RAB37: variants seen among roughly 807,000 people sequenced by gnomAD.
RAB37 encodes ras-related protein Rab-37.
RAB37 carries 29 observed loss-of-function variants against 33.1 expected under a neutral mutation model. That is an observed-to-expected ratio of 0.88 (90% CI 0.65 to 1.20). The LOEUF (loss-of-function observed/expected upper bound fraction) is 1.20, where lower values mean the gene tolerates loss of function less well. Among genes scored for constraint, RAB37 ranks in the 50% most tolerant of loss-of-function variants. The pLI is 0.00. For missense variants in RAB37, 299 were observed against 301.1 expected, an observed-to-expected ratio of 0.99 and a Z score of 0.05; for synonymous variants, 128 against 119.5, an observed-to-expected ratio of 1.07 and a Z score of -0.47.
At chr17:74,705,281 G>A in intron 1 of RAB37, 1 of 700,058 alleles carries the variant, frequency 1.4e-6, no homozygotes, top group South Asian at 1.5e-5. Flanking sequence ...AGGCTGTCCT[G>A]GTGGTCCTAA....
chr17:74,740,211 A>AC (rs11420540), intron 1 of RAB37, among the ~76,000 whole-genome samples: 13 of 120,894 alleles, frequency 1.1e-4, no homozygotes, highest in African/African-American at 3.4e-4. Flanking sequence ...GTTGTGACAC[A>AC]AAAAAAAAAA....
At chr17:74,737,030 G>C, upstream of RAB37, 1 of 1,606,718 alleles carries the variant, frequency 6.2e-7, no homozygotes. Context: ...TGTCCGAAGC[G>C]CACGGAGCCG....
upstream of RAB37, among the ~76,000 whole-genome samples, chr17:74,734,179 C>A (rs533093665): frequency 5.7e-4 from 87 of 152,108 alleles, 1 homozygote; most frequent in South Asian, 0.011. Context: ...AAGGGTCATT[C>A]CTTCCTCTTC....
At chr17:74,690,114 G>A (rs980113798) in intron 1 of RAB37, among the ~76,000 whole-genome samples, 1 of 152,064 alleles carries the variant, frequency 6.6e-6, no homozygotes, top group African/African-American at 2.4e-5. Context: ...ACCACACCCA[G>A]CTGATTTTTT....
At position 74,671,911 on chromosome 17, in the gene RAB37, T is replaced by C. The variant is rs1442254686; in HGVS notation, c.72+253T>C. Among the ~76,000 whole-genome samples the C allele has an allele frequency of 6.6e-6, 1 of 152,196 alleles. No individual in the cohort carries two copies. Among genetic ancestry groups the C allele is most frequent in the Non-Finnish European group, 1.5e-5 (1 of 68,040 alleles). On this transcript the variant is annotated intron_variant, in intron 1 of 7. Coordinates refer to the RAB37 transcript ENST00000340415. This position sits in a 1 kb window ranked among gnomAD's most constrained non-coding sequence, Gnocchi z 5.0. Reference sequence around the variant, plus strand: ...CACTTACATCATCTGTGTTCCTTTTTCACCCCCTCCTTCTCCTTGCCTATT... The same window carrying C: ...CACTTACATCATCTGTGTTCCTTTTCCACCCCCTCCTTCTCCTTGCCTATT...
chr17:74,712,967 C>T (rs2034078326), intron 1 of RAB37: 4 of 1,219,036 alleles, frequency 3.3e-6, no homozygotes, highest in Non-Finnish European at 4.7e-6. Flanking sequence ...CGCCCTTGAA[C>T]TTCCTCCTTC....
At chr17:74,734,350 C>A (rs117102497), upstream of RAB37, among the ~76,000 whole-genome samples, 1,224 of 152,296 alleles carry the variant, frequency 8.0e-3, 33 homozygotes, top group Admixed American at 0.057. Flanking sequence ...ATTAGTATAA[C>A]CTCATCTTAA....
At chr17:74,691,381 G>A (rs1161639091) in intron 1 of RAB37, among the ~76,000 whole-genome samples, 2 of 152,178 alleles carry the variant, frequency 1.3e-5, no homozygotes, top group Admixed American at 1.3e-4. Flanking sequence ...CGTTGCCCAG[G>A]CTTGTCTCAA....
intron 1 of RAB37, among the ~76,000 whole-genome samples, chr17:74,696,551 C>G (rs554958035): frequency 3.3e-5 from 5 of 152,226 alleles, no homozygotes; most frequent in Non-Finnish European, 7.3e-5. Context: ...CCAACTCGGC[C>G]TGGAATTCCA....
intron 1 of RAB37, among the ~76,000 whole-genome samples, chr17:74,713,621 G>A (rs1035507799): frequency 6.6e-5 from 10 of 152,002 alleles, no homozygotes; most frequent in African/African-American, 2.4e-4. Flanking sequence ...CCTAAACCTG[G>A]AGCTTCAGGT....
At position 74,744,814 on chromosome 17, in the gene RAB37, A is replaced by G; in HGVS notation, c.433-59A>G. 6.2e-7 allele frequency: 1 copy of G among 1,607,270 alleles called. No individual in the cohort carries two copies. Among genetic ancestry groups the G allele is most frequent in the South Asian group, 1.1e-5 (1 of 90,898 alleles). On this transcript the variant is annotated intron_variant, in intron 6 of 8. Coordinates refer to ENST00000392613, the MANE Select transcript of RAB37 (RefSeq NM_001006638.3). This position sits in a 1 kb window ranked among gnomAD's most constrained non-coding sequence, Gnocchi z 4.2. Reference sequence around the variant, plus strand: ...AGGCAACGCCTGCTTCTGGGGCAAAATATGGGCCCGCTGGGGCGGAGGCCT... The same window carrying G: ...AGGCAACGCCTGCTTCTGGGGCAAAGTATGGGCCCGCTGGGGCGGAGGCCT...
At chr17:74,714,729 C>T (rs888996512) in intron 1 of RAB37, among the ~76,000 whole-genome samples, 9 of 152,132 alleles carry the variant, frequency 5.9e-5, no homozygotes, top group African/African-American at 1.9e-4. Context: ...ACCAGTTTTG[C>T]CCCTCACTCT....
chr17:74,740,589 A>G (rs2034588055), intron 1 of RAB37, among the ~76,000 whole-genome samples, 179 bp from the exon 2 acceptor site: 1 of 152,182 alleles, frequency 6.6e-6, no homozygotes, highest in Admixed American at 6.5e-5. Flanking sequence ...TGAGCCAAGG[A>G]GCGTGGAGAG....
intron 1 of RAB37, among the ~76,000 whole-genome samples, chr17:74,674,926 T>A (rs2031792055): frequency 1.3e-5 from 2 of 152,128 alleles, no homozygotes; most frequent in Admixed American, 6.5e-5. Flanking sequence ...TGTAGGGTAG[T>A]CCTAGAAACT....
In RAB37 at chr17:74,744,266, C is replaced by A. The variant is rs764569478; in HGVS notation, c.367-42C>A. The A allele has an allele frequency of 3.8e-6, 6 of 1,579,186 alleles. No homozygotes were observed. The highest frequency in any genetic ancestry group is 8.7e-7 in the Non-Finnish European group (1 of 1,152,744). On this transcript the variant is annotated intron_variant, in intron 5 of 8. Coordinates refer to ENST00000392613, the MANE Select transcript of RAB37 (RefSeq NM_001006638.3). This position sits in a 1 kb window ranked among gnomAD's most constrained non-coding sequence, Gnocchi z 4.2. ...ACGGAGCAGAAGAAGAAAGGGGCAG[C>A]AGGAGGAAGAGAATGCCAGTCTCGC...
intron 1 of RAB37, among the ~76,000 whole-genome samples, chr17:74,715,780 C>G (rs765131566): frequency 8.5e-5 from 13 of 152,152 alleles, no homozygotes; most frequent in Non-Finnish European, 1.5e-4. Flanking sequence ...GTGATCTCAA[C>G]TCTTTGGGAG....
chr17:74,693,545 C>G (rs2032208209), intron 1 of RAB37, among the ~76,000 whole-genome samples: 1 of 152,114 alleles, frequency 6.6e-6, no homozygotes, highest in South Asian at 2.1e-4. Context: ...GACTAGCAAT[C>G]ATTGTGGGCT....
chr17:74,698,297 A>G (rs1210401020), intron 1 of RAB37: 1 of 1,037,086 alleles, frequency 9.6e-7, no homozygotes, highest in South Asian at 1.3e-5. Context: ...CCCTTGGACC[A>G]GATAGCTCCC....
intron 1 of RAB37, among the ~76,000 whole-genome samples, chr17:74,678,706 CAT>C (rs1020849232): frequency 1.9e-4 from 29 of 151,000 alleles, no homozygotes; most frequent in African/African-American, 6.2e-4. Context: ...CACACACACA[CAT>C]GCCTGCACAT....
Sources: allele counts gnomAD v4.1 joint callset (sites outside exome capture counted in the v4.1 genomes callset), GRCh38; gene constraint gnomAD v4.1.1; non-coding constraint Gnocchi (gnomAD v3.1); transcripts MANE v1.5; gene names NCBI Gene and HGNC (gene_info 2026-07-23, HGNC 2026-07-21).